Variants in SV2C observed in about 807,000 individuals in gnomAD.
SV2C encodes the protein synaptic vesicle glycoprotein 2C.
In SV2C, 49 loss-of-function variants were observed where a neutral mutation model predicts 79.7. That is an observed-to-expected ratio of 0.61 (90% CI 0.49 to 0.78). The LOEUF is 0.78. Among genes scored for constraint, SV2C ranks in the 30% least tolerant of loss-of-function variants. The pLI, the probability that SV2C is intolerant of heterozygous loss-of-function variation, is 0.00. For missense variants in SV2C, 833 were observed against 912.9 expected (o/e 0.91, Z 1.13); for synonymous variants, 334 against 333.2 (o/e 1.00, Z -0.03).
intron 4 of SV2C, among the ~76,000 whole-genome samples, chr5:76,224,350 A>G (rs1212533437): frequency 6.6e-6 from 1 of 152,184 alleles, no homozygotes; most frequent in Admixed American, 6.5e-5. Context: ...ACTAGACAAA[A>G]TATGTATGTG....
chr5:76,183,448 T>C (rs1053624312), intron 2 of SV2C, among the ~76,000 whole-genome samples: 3 of 152,102 alleles, frequency 2.0e-5, no homozygotes, highest in South Asian at 2.1e-4. Flanking sequence ...CCAAATCTCA[T>C]GTTAAATTGG....
the SV2C span, among the ~76,000 whole-genome samples, chr5:75,949,638 G>T: frequency 6.6e-6 from 1 of 151,902 alleles, no homozygotes; most frequent in South Asian, 2.1e-4. Flanking sequence ...TTTATAAGGG[G>T]TTTTGCCTCT....
At chr5:75,947,818 CT>C in the SV2C span, among the ~76,000 whole-genome samples, 2 of 151,938 alleles carry the variant, frequency 1.3e-5, no homozygotes, top group Non-Finnish European at 2.9e-5. Flanking sequence ...CATTATTGGA[CT>C]AAATAACATT....
intron 12 of SV2C, 98 bp from the exon 13 acceptor site, chr5:76,325,266 C>A (rs1449305425): frequency 3.9e-6 from 5 of 1,278,756 alleles, no homozygotes; most frequent in Non-Finnish European, 5.5e-6. Flanking sequence ...ACAACACAAT[C>A]TGAGGGAAGA....
chr5:76,335,116 T>C (rs1749285146), downstream of SV2C, among the ~76,000 whole-genome samples: 1 of 152,220 alleles, frequency 6.6e-6, no homozygotes, highest in South Asian at 2.1e-4. Context: ...GCTACCATAT[T>C]GAACACTGAA....
intron 2 of SV2C, among the ~76,000 whole-genome samples, chr5:76,192,255 G>A (rs115380019): frequency 0.02 from 3,073 of 152,246 alleles, 37 homozygotes; most frequent in South Asian, 0.064. Flanking sequence ...TTGGAGTGGC[G>A]TCTAAGAGTC....
At chr5:75,989,850 A>C in the SV2C span, among the ~76,000 whole-genome samples, 1 of 150,788 alleles carries the variant, frequency 6.6e-6, no homozygotes, top group Non-Finnish European at 1.5e-5. Context: ...GTGGTATCTC[A>C]ATGTGGTTTT....
At chr5:75,901,718 C>G in the SV2C span, among the ~76,000 whole-genome samples, 1 of 152,364 alleles carries the variant, frequency 6.6e-6, no homozygotes, top group Non-Finnish European at 1.5e-5. Flanking sequence ...AGGCAGGCCT[C>G]CTTCAGCTGT....
rs560408237 is a variant in SV2C, at chr5:76,217,275, C to T, written c.913+7388C>T. On this transcript the variant is annotated intron_variant, in intron 4 of 12. Coordinates refer to ENST00000502798, the MANE Select transcript of SV2C (RefSeq NM_014979.4). ...ATATTCCCAAGGTTGTCCAAATTAC[C>T]AAAACATCCCTACTTCCTTTGGCTG... Among the ~76,000 whole-genome samples, 4 of 152,240 alleles carry T rather than the reference C, an allele frequency of 2.6e-5. No individual in the cohort carries two copies. The East Asian group carries it at 5.8e-4, about 22-fold the overall frequency.
At chr5:76,079,766 T>G (rs1746953150), upstream of SV2C, 1 of 241,414 alleles carries the variant, frequency 4.1e-6, no homozygotes, top group Admixed American at 4.2e-5. Flanking sequence ...AGCTAAACCC[T>G]GAAGATGAAT....
Position 76,292,466 on chromosome 5 carries a change from G to A in SV2C, c.1337+610G>A, listed in dbSNP as rs545319867. The stretch of plus-strand genomic sequence containing the variant: ...CTTCCCTCTCTGGAAGCTCCATGAG[G>A]ACAGGGGTTTTTAACTGCCTTGTTC... On this transcript the variant is annotated intron_variant, in intron 8 of 12. Coordinates refer to ENST00000502798, the MANE Select transcript of SV2C (RefSeq NM_014979.4). 7.4e-4 allele frequency among the ~76,000 whole-genome samples: 113 copies of A among 152,224 alleles called. No homozygotes were observed. In the South Asian group the frequency reaches 0.01, roughly 14 times the overall value.
chr5:76,205,169 A>G (rs370110361), intron 3 of SV2C, among the ~76,000 whole-genome samples: 21 of 145,372 alleles, frequency 1.4e-4, no homozygotes, highest in East Asian at 2.3e-4. Context: ...GTGTGTGTGT[A>G]TGTGTGTGTG....
At chr5:76,173,737 T>C (rs759384592) in intron 2 of SV2C, 39 of 1,612,892 alleles carry the variant, frequency 2.4e-5, no homozygotes, top group Non-Finnish European at 3.3e-5. Context: ...TTATTTTTGA[T>C]TTTGCAGAAG....
the SV2C span, among the ~76,000 whole-genome samples, chr5:76,038,396 G>GGC: frequency 6.6e-6 from 1 of 152,148 alleles, no homozygotes; most frequent in African/African-American, 2.4e-5. Flanking sequence ...AGCAGATCTT[G>GGC]GCCAGAATCC....
the SV2C span, among the ~76,000 whole-genome samples, chr5:76,054,112 A>C: frequency 6.6e-6 from 1 of 151,888 alleles, no homozygotes; most frequent in South Asian, 2.1e-4. Flanking sequence ...CCCTGCATGT[A>C]TTAGGTATTT....
chr5:76,301,454 A>T lies in SV2C; in HGVS notation c.1909A>T (p.Ile637Leu). ...GTTCGGCACCAGTGAATCCATGATG[A>T]TAGGCATGCTGTGTCTGTACAATGG... ...LWFGTSESMM[I>L]GMLCLYNGLT... The change falls in exon 12 of 13, where the codon ATA becomes TTA. Residue 637 changes from isoleucine to leucine, a missense_variant. Ile to Leu is a conservative substitution (Grantham distance 5, BLOSUM62 2). Coordinates refer to ENST00000502798, the MANE Select transcript of SV2C (RefSeq NM_014979.4). 6.2e-7 allele frequency: 1 copy of T among 1,614,028 alleles called. No homozygotes were observed. The highest frequency in any genetic ancestry group is 8.5e-7 in the Non-Finnish European group (1 of 1,179,988).
At chr5:75,855,389 T>C in the SV2C span, among the ~76,000 whole-genome samples, 417 of 152,290 alleles carry the variant, frequency 2.7e-3, 5 homozygotes, top group African/African-American at 9.6e-3. Context: ...ACAAATGAGC[T>C]CTACTGACTT....
the SV2C span, among the ~76,000 whole-genome samples, chr5:75,897,908 A>G: frequency 6.6e-6 from 1 of 151,844 alleles, no homozygotes; most frequent in East Asian, 1.9e-4. Context: ...TGATTTTTGT[A>G]CATTGATTTT....
Position 76,268,769 on chromosome 5 carries a change from G to C in SV2C, c.914-16393G>C, listed in dbSNP as rs1441443179. ...TCTTTACTCTTTTTACTCTTTCATT[G>C]TGTGTCACCTTTACTTGTCAACTTC... On this transcript the variant is annotated intron_variant, in intron 4 of 12. Transcript: ENST00000502798. Among the ~76,000 whole-genome samples the C allele has an allele frequency of 2.6e-5, 4 of 152,238 alleles. No individual in the cohort carries two copies. The East Asian group carries it at 7.7e-4, about 29-fold the overall frequency.
Sources: gnomAD v4.1 joint callset for allele counts (sites outside exome capture counted in the v4.1 genomes callset) on GRCh38, gnomAD v4.1.1 for gene constraint, MANE v1.5 for transcripts, NCBI Gene and HGNC (gene_info 2026-07-23, HGNC 2026-07-21) for gene names.